CACNA1H: variants seen among roughly 807,000 people sequenced by gnomAD.
The protein encoded by CACNA1H is voltage-dependent T-type calcium channel subunit alpha-1H.
CACNA1H carries 149 observed loss-of-function variants against 192.5 expected under a neutral mutation model. That is an observed-to-expected ratio of 0.77 (90% CI 0.68 to 0.89). The LOEUF (loss-of-function observed/expected upper bound fraction) is 0.89, where lower values mean the gene tolerates loss of function less well. CACNA1H is among the 40% of genes least tolerant of loss of function. The pLI, the probability that CACNA1H is intolerant of heterozygous loss-of-function variation, is 0.00. For synonymous variants in CACNA1H, 2,202 were observed against 1,475.2 expected (o/e 1.49, Z -11.29); for missense variants, 4,257 against 3,423.5 (o/e 1.24, Z -6.08).
Position 1,154,048 on chromosome 16 carries a change from G to A in CACNA1H, c.299+12G>A, listed in dbSNP as rs1364355283. On this transcript the variant is annotated intron_variant, in intron 2 of 34. Coordinates refer to ENST00000348261, the MANE Select transcript of CACNA1H (RefSeq NM_021098.3). ...CTGGTCTGCAACCCATATCCTTCCC[G>A]GCCGGCGGGGGGCGGGGGGCGGGGG... 10 of 1,086,780 alleles carry A rather than the reference G, an allele frequency of 9.2e-6. No individual in the cohort carries two copies. The highest frequency in any genetic ancestry group is 1.1e-5 in the Non-Finnish European group (10 of 870,822). 67.3% of individuals were successfully genotyped at this position (1,086,780 alleles called of 1,614,324 possible).
At chr16:1,181,402 G>A (rs531573839) in intron 2 of CACNA1H, among the ~76,000 whole-genome samples, 4 of 152,348 alleles carry the variant, frequency 2.6e-5, no homozygotes, top group East Asian at 1.9e-4. Flanking sequence ...GCGCTTTGAC[G>A]CCCGCGTCGG....
intron 25 of CACNA1H, 77 bp from the exon 26 acceptor site, chr16:1,212,433 GC>G: frequency 7.0e-7 from 1 of 1,429,046 alleles, no homozygotes; most frequent in Non-Finnish European, 9.7e-7. Context: ...AGACACGGGG[GC>G]TGAGGGAGAG....
Position 1,219,521 on chromosome 16 carries a change from G to A in CACNA1H, c.6048+391G>A, listed in dbSNP as rs553043208. On this transcript the variant is annotated intron_variant, in intron 34 of 34. Coordinates refer to ENST00000348261, the MANE Select transcript of CACNA1H (RefSeq NM_021098.3). ...ATGGGTCCCGTGGTGGGCAGACAGC[G>A]GCTTTTTCAGTCCTGGCTTGTGTTC... Among the ~76,000 whole-genome samples the A allele has an allele frequency of 1.3e-3, 199 of 152,332 alleles. 1 individual carries two copies. The highest frequency in any genetic ancestry group is 4.4e-3 in the African/African-American group (181 of 41,576).
At position 1,200,527 on chromosome 16, in the gene CACNA1H, A is replaced by G. The variant is rs1967725578; in HGVS notation, c.1075A>G (p.Ile359Val). ...SGDSNPHNGA[I>V]NFDNIGYAWI... ...TGACTCCAACCCCCACAACGGTGCC[A>G]TCAACTTCGACAACATCGGCTACGC... Residue 359 changes from isoleucine (I) to valine (V), a missense_variant, in exon 7 of 35, where the codon ATC becomes GTC. Coordinates refer to ENST00000348261, the MANE Select transcript of CACNA1H (RefSeq NM_021098.3). 1.2e-6 allele frequency: 2 copies of G among 1,612,198 alleles called. No homozygotes were observed. The highest frequency in any genetic ancestry group is 8.5e-7 in the Non-Finnish European group (1 of 1,179,724).
In CACNA1H at chr16:1,186,409, C is replaced by T. The variant is rs569611013; in HGVS notation, c.300-8563C>T. Among the ~76,000 whole-genome samples, 15 of 152,198 alleles carry T rather than the reference C, an allele frequency of 9.9e-5. No individual in the cohort carries two copies. In the East Asian group the frequency reaches 2.9e-3, roughly 29 times the overall value. On this transcript the variant is annotated intron_variant, in intron 2 of 34. Coordinates refer to ENST00000348261, the MANE Select transcript of CACNA1H (RefSeq NM_021098.3). ...GCTTTCGTAATTGCACACGCAGGGC[C>T]TGGATTCGCCGTGCAGAAAGCCGGA...
At chr16:1,208,618 G>C (rs562273793) in intron 16 of CACNA1H, among the ~76,000 whole-genome samples, 4 of 152,326 alleles carry the variant, frequency 2.6e-5, no homozygotes, top group African/African-American at 7.2e-5. Context: ...CTGGAGGGGA[G>C]CAGTTTTGAA....
chr16:1,160,722 G>T (rs1963083079), intron 2 of CACNA1H, among the ~76,000 whole-genome samples: 2 of 152,192 alleles, frequency 1.3e-5, no homozygotes, highest in African/African-American at 2.4e-5. Context: ...GAGCCGGACG[G>T]TTGATGAATG....
chr16:1,217,509 G>A (rs114485802), intron 31 of CACNA1H, among the ~76,000 whole-genome samples: 3,193 of 152,116 alleles, frequency 0.021, 120 homozygotes, highest in African/African-American at 0.073. Context: ...TCCACTTCAG[G>A]CAGCCCAGTC....
intron 2 of CACNA1H, among the ~76,000 whole-genome samples, chr16:1,194,056 CA>C (rs1567491446): frequency 2.0e-5 from 3 of 152,176 alleles, no homozygotes; most frequent in African/African-American, 7.2e-5. Flanking sequence ...GCAGGCCTGC[CA>C]GGGGTGAGGG....
At chr16:1,178,159 C>T (rs1965097362) in intron 2 of CACNA1H, among the ~76,000 whole-genome samples, 1 of 126,548 alleles carries the variant, frequency 7.9e-6, no homozygotes, top group Non-Finnish European at 1.7e-5. Context: ...GGAAACCGCC[C>T]CCCCATGGAC....
rs72552030 is a variant in CACNA1H, at chr16:1,200,147, CTGATCACGTCCCTGACCT to C, written c.804-93_804-76del. On this transcript the variant is annotated intron_variant, in intron 6 of 34. Coordinates refer to ENST00000348261, the MANE Select transcript of CACNA1H (RefSeq NM_021098.3). Reference sequence around the variant, plus strand: ...CATGATTAGTCCACTGGCCCTGACCCTGATCACGTCCCTGACCTTGATCACGTCCCTGATCACAATCGT... The same window carrying C: ...CATGATTAGTCCACTGGCCCTGACCCTGATCACGTCCCTGATCACAATCGT... The C allele has an allele frequency of 0.021, 18,627 of 904,046 alleles. 1,493 individuals are homozygous for C. The African/African-American group carries it at 0.22, about 11-fold the overall frequency. The allele number at this position is 904,046 out of a possible 1,614,324, so 56.0% of individuals were successfully genotyped here.
At chr16:1,206,933 T>TCCCCCCCCCCC in intron 12 of CACNA1H, 68 bp from the exon 13 acceptor site, 1 of 63,684 alleles carries the variant, frequency 1.6e-5, no homozygotes, top group Non-Finnish European at 3.0e-5. Flanking sequence ...CCCCTCCCGC[T>TCCCCCCCCCCC]CCCCCACCTT....
Position 1,210,835 on chromosome 16 carries a change from A to T in CACNA1H, c.4087A>T (p.Ser1363Cys), listed in dbSNP as rs759316860. 9.3e-6 allele frequency: 15 copies of T among 1,604,640 alleles called. No homozygotes were observed. The highest frequency in any genetic ancestry group is 1.3e-5 in the Non-Finnish European group (15 of 1,179,722). ...CGGCGAGCACGCCTACCTGCAGAGCAGCTGGAACCTGCTGGATGGGCTGCT... is the reference window on the plus strand; with the variant it reads ...CGGCGAGCACGCCTACCTGCAGAGCTGCTGGAACCTGCTGGATGGGCTGCT... Reference protein sequence around the residue: ...LSGEHAYLQSSWNLLDGLLVL... With the variant: ...LSGEHAYLQSCWNLLDGLLVL... Residue 1363 changes from serine (S) to cysteine (C), a missense_variant, in exon 21 of 35, where the codon AGC (serine) becomes TGC (cysteine). Coordinates refer to ENST00000348261, the MANE Select transcript of CACNA1H (RefSeq NM_021098.3).
rs1316230541 is a variant in CACNA1H at position 1,202,140 on chromosome 16, C to T, written c.1690C>T (p.Arg564Cys). The change falls in exon 9 of 35, where the codon CGC (arginine) becomes TGC (cysteine). Residue 564 changes from arginine (R) to cysteine (C), a missense_variant. By Grantham distance (180) the Arg-to-Cys change is radical (BLOSUM62 -3). Coordinates refer to ENST00000348261, the MANE Select transcript of CACNA1H (RefSeq NM_021098.3). ...GCCCCCCTCGCCACCTTCCCCAGGC[C>T]GCGGACCCCCCGACGCAGAGTCTGT... is the stretch of plus-strand genomic sequence containing the variant. Reference protein sequence around the residue: ...GAPPSPPSPGRGPPDAESVHS... With the variant: ...GAPPSPPSPGCGPPDAESVHS... 14 of 1,548,838 alleles carry T rather than the reference C, an allele frequency of 9.0e-6. No individual in the cohort carries two copies. The highest frequency in any genetic ancestry group is 5.5e-5 in the African/African-American group (4 of 73,018).
Position 1,200,465 on chromosome 16 carries a change from T to C in CACNA1H, c.1013T>C (p.Ile338Thr), listed in dbSNP as rs1281459148. Residue 338 changes from isoleucine to threonine, a missense_variant, in exon 7 of 35, where the codon ATC becomes ACC. Physicochemically the swap from Ile to Thr is moderately conservative, Grantham distance 89 (BLOSUM62 -1). Transcript: ENST00000348261. ...GTGGGCGCTGCACGCAACGCCTGCA[T>C]CAACTGGAACCAGTACTACAACGTG... is the stretch of plus-strand genomic sequence containing the variant. ...EGVGAARNAC[I>T]NWNQYYNVCR... 1 of 1,611,864 alleles carries C rather than the reference T, an allele frequency of 6.2e-7. No individual in the cohort carries two copies. The highest frequency in any genetic ancestry group is 1.3e-5 in the African/African-American group (1 of 74,916).
At position 1,172,458 on chromosome 16, in the gene CACNA1H, G is replaced by A. The variant is rs538267897; in HGVS notation, c.299+18422G>A. On this transcript the variant is annotated intron_variant, in intron 2 of 34. Coordinates refer to ENST00000348261, the MANE Select transcript of CACNA1H (RefSeq NM_021098.3). ...CCTCACCCTGCCCTGGGCCTGGCCC[G>A]CCTCCGTCTGGGGTGGTCGTGGGGT... is the stretch of plus-strand genomic sequence containing the variant. Among the ~76,000 whole-genome samples, 367 of 151,626 alleles carry A rather than the reference G, an allele frequency of 2.4e-3. 1 individual carries two copies. The highest frequency in any genetic ancestry group is 8.6e-3 in the African/African-American group (356 of 41,352).
chr16:1,164,537 T>C (rs1963559186), intron 2 of CACNA1H, among the ~76,000 whole-genome samples: 1 of 152,196 alleles, frequency 6.6e-6, no homozygotes. Context: ...AGATGGCTGC[T>C]AAGTGGCCAT....
chr16:1,153,549 G>A (rs1046981788), intron 1 of CACNA1H, 79 bp downstream of exon 1: 4 of 333,034 alleles, frequency 1.2e-5, no homozygotes. Context: ...CGGGGTGGGG[G>A]TGGGGCCGCT....
chr16:1,155,129 CAAA>C (rs1370483576), intron 2 of CACNA1H, among the ~76,000 whole-genome samples: 1 of 152,172 alleles, frequency 6.6e-6, no homozygotes, highest in African/African-American at 2.4e-5. Context: ...GGAATCTGTA[CAAA>C]AAAAGTCATA....
Sources: gnomAD v4.1 joint callset for allele counts (sites outside exome capture counted in the v4.1 genomes callset) on GRCh38, gnomAD v4.1.1 for gene constraint, MANE v1.5 for transcripts, NCBI Gene and HGNC (gene_info 2026-07-23, HGNC 2026-07-21) for gene names.